Variants in XPA observed in about 807,000 individuals in gnomAD.
XPA encodes XPA, DNA damage recognition and repair factor.
A neutral mutation model predicts 35.7 loss-of-function variants in XPA; 27 were observed. The ratio of observed to expected loss-of-function variants is 0.76; its 90% CI spans 0.56 to 1.04. XPA has a LOEUF of 1.04. XPA is among the 50% of genes least tolerant of loss of function. The pLI, the probability that XPA is intolerant of heterozygous loss-of-function variation, is 0.00. For missense variants in XPA, 354 were observed against 342.7 expected (o/e 1.03, Z -0.26); for synonymous variants, 133 against 118.4 (o/e 1.12, Z -0.80).
At chr9:97,674,037 C>T (rs192042709), downstream of XPA, among the ~76,000 whole-genome samples, 1 of 110,170 alleles carries the variant, frequency 9.1e-6, no homozygotes, top group Non-Finnish European at 2.2e-5. Flanking sequence ...ATGATTATGC[C>T]CTCTTTACAG....
the XPA span, chr9:97,655,638 G>GT: frequency 7.3e-7 from 1 of 1,368,772 alleles, no homozygotes; most frequent in Non-Finnish European, 1.0e-6. Flanking sequence ...GCTTATATAA[G>GT]TTTCTGTTCT....
chr9:97,686,769 A>G (rs1828728663), intron 4 of XPA, among the ~76,000 whole-genome samples: 1 of 152,152 alleles, frequency 6.6e-6, no homozygotes, highest in Admixed American at 6.5e-5. Context: ...TCTACAAAAA[A>G]TACAAAAAAC....
chr9:97,683,920 C>G (rs1828624667), intron 5 of XPA, among the ~76,000 whole-genome samples: 1 of 152,182 alleles, frequency 6.6e-6, no homozygotes, highest in Non-Finnish European at 1.5e-5. Flanking sequence ...AGGACGTTCA[C>G]TTTCAATGAA....
intron 1 of XPA, among the ~76,000 whole-genome samples, chr9:97,695,239 T>A (rs1273368549): frequency 4.6e-5 from 7 of 152,236 alleles, no homozygotes; most frequent in Admixed American, 6.5e-5. Flanking sequence ...CAGATTAATA[T>A]GTTTTATTCT....
chr9:97,676,820 T>C (rs1351347153), intron 5 of XPA, among the ~76,000 whole-genome samples: 2 of 152,200 alleles, frequency 1.3e-5, no homozygotes, highest in East Asian at 1.9e-4. Context: ...TTAGTGCATA[T>C]ACCTCTAGAT....
At chr9:97,679,288 AATG>A (rs1828465640) in intron 5 of XPA, among the ~76,000 whole-genome samples, 4 of 152,348 alleles carry the variant, frequency 2.6e-5, no homozygotes, top group African/African-American at 9.6e-5. Flanking sequence ...AGAGCATGCA[AATG>A]ATGATGCAAA....
rs780036821 is a variant in XPA, at chr9:97,687,125, C to T, written c.526G>A (p.Gly176Ser). 1 of 1,611,918 alleles carries T rather than the reference C, an allele frequency of 6.2e-7. No homozygotes were observed. Among genetic ancestry groups the T allele is most frequent in the Non-Finnish European group, 8.5e-7 (1 of 1,179,352 alleles). ...VKKNPHHSQWGDMKLYLKLQI... is the reference protein window; with the variant it reads ...VKKNPHHSQWSDMKLYLKLQI... ...AACTTTAAGTAGAGTTTCATATCACCCCATTGTGAATGATGTGGATTCTTC... is the reference window on the plus strand; with the variant it reads ...AACTTTAAGTAGAGTTTCATATCACTCCATTGTGAATGATGTGGATTCTTC... Residue 176 changes from glycine (G) to serine (S), a missense_variant, in exon 4 of 6, where the codon GGT (glycine) becomes AGT (serine). Physicochemically the swap from Gly to Ser is moderately conservative, Grantham distance 56. Coordinates refer to ENST00000375128, the MANE Select transcript of XPA (RefSeq NM_000380.4).
the XPA span, chr9:97,668,979 C>A: frequency 6.2e-7 from 1 of 1,604,210 alleles, no homozygotes; most frequent in Non-Finnish European, 8.5e-7. Flanking sequence ...TTTCAGGTAT[C>A]TTGGCTTGGG....
At chr9:97,655,619 T>G in the XPA span, 1 of 1,120,330 alleles carries the variant, frequency 8.9e-7, no homozygotes, top group Non-Finnish European at 1.3e-6. Context: ...GGGTTTTATC[T>G]GTTTGAAGGC....
intron 5 of XPA, among the ~76,000 whole-genome samples, chr9:97,679,976 T>G (rs3176720): frequency 0.12 from 17,930 of 152,160 alleles, 2,997 homozygotes; most frequent in African/African-American, 0.36. Context: ...GAACAGCAGC[T>G]GGCCTGGGCA....
At chr9:97,695,051 A>G (rs893084612) in intron 1 of XPA, among the ~76,000 whole-genome samples, 1 of 152,256 alleles carries the variant, frequency 6.6e-6, no homozygotes, top group Admixed American at 6.5e-5. Context: ...TCAAATGGTC[A>G]GAAGAGTATT....
At position 97,697,245 on chromosome 9, in the gene XPA, T is replaced by C; in HGVS notation, c.48A>G (p.Gln16=). ...GCACCGAGGCAGGCAGCTCCGCGGG[T>C]TGCTCTAAAGCCGCCGCCTCCGGCA... ...GALPEAAALE[Q]PAELPASVRA... is the part of the protein sequence containing the mutation. Residue 16 remains glutamine (Q), a synonymous_variant, in exon 1 of 6, where the codon CAA becomes CAG. Transcript: ENST00000375128. The C allele has an allele frequency of 6.2e-7, 1 of 1,600,322 alleles. No homozygotes were observed. Among genetic ancestry groups the C allele is most frequent in the South Asian group, 1.1e-5 (1 of 90,986 alleles).
chr9:97,676,485 A>G (rs377720954), intron 5 of XPA, among the ~76,000 whole-genome samples: 1 of 152,228 alleles, frequency 6.6e-6, no homozygotes, highest in East Asian at 1.9e-4. Context: ...AAGGGAGATT[A>G]TGATAGCTGT....
the XPA span, among the ~76,000 whole-genome samples, chr9:97,654,474 A>C: frequency 3.3e-5 from 5 of 152,246 alleles, no homozygotes; most frequent in African/African-American, 1.2e-4. Flanking sequence ...AATTACCAGT[A>C]TGTGACACAG....
At chr9:97,694,869 G>A (rs924140817) in intron 1 of XPA, among the ~76,000 whole-genome samples, 2 of 152,106 alleles carry the variant, frequency 1.3e-5, no homozygotes, top group Admixed American at 1.3e-4. Flanking sequence ...GCCACCAAAA[G>A]GAAAATGGAA....
intron 5 of XPA, 39 bp downstream of exon 5, chr9:97,684,884 A>T: frequency 6.4e-7 from 1 of 1,554,312 alleles, no homozygotes; most frequent in Non-Finnish European, 8.9e-7. Flanking sequence ...GCAAAATGGT[A>T]AAACACAATC....
intron 5 of XPA, among the ~76,000 whole-genome samples, chr9:97,679,708 A>AG (rs1290436214): frequency 5.3e-5 from 8 of 152,354 alleles, no homozygotes; most frequent in South Asian, 2.1e-4. Context: ...GTGAAAGGTA[A>AG]GGAATGAGAT....
chr9:97,683,604 TTAGGA>T (rs1349491308), intron 5 of XPA, among the ~76,000 whole-genome samples: 2 of 152,196 alleles, frequency 1.3e-5, no homozygotes, highest in Non-Finnish European at 2.9e-5. Flanking sequence ...TTTAAGGATC[TTAGGA>T]TAGAAAAGAA....
the XPA span, chr9:97,666,902 TAG>T: frequency 6.8e-7 from 1 of 1,463,764 alleles, no homozygotes; most frequent in Admixed American, 2.1e-5. Flanking sequence ...AACTTGTAAG[TAG>T]TTAAAGAAAA....
Sources: allele counts gnomAD v4.1 joint callset (sites outside exome capture counted in the v4.1 genomes callset), GRCh38; gene constraint gnomAD v4.1.1; transcripts MANE v1.5; gene names NCBI Gene and HGNC (gene_info 2026-07-23, HGNC 2026-07-21).